Variants in PARN observed in about 807,000 individuals in gnomAD.
PARN encodes poly(A)-specific ribonuclease.
In PARN, 71 loss-of-function variants were observed where a neutral mutation model predicts 102.8. The ratio of observed to expected loss-of-function variants is 0.69; its 90% CI spans 0.57 to 0.84. PARN has a LOEUF of 0.84. Ranked by LOEUF, PARN falls within the 40% of genes least tolerant of loss-of-function variation. PARN has a pLI of 0.00. For missense variants in PARN, 782 were observed against 760.9 expected (o/e 1.03, Z -0.33); for synonymous variants, 261 against 252.9 (o/e 1.03, Z -0.30).
At position 14,626,779 on chromosome 16, in the gene PARN, A is replaced by T. The variant is rs567989892; in HGVS notation, c.327+327T>A. ...AGGCACCCATGACCACACTCGGCAA[A>T]TTTTTTTTTTTGTATTTTTAGTAGA... On this transcript the variant is annotated intron_variant, in intron 5 of 23. Transcript: ENST00000437198. Among the ~76,000 whole-genome samples the T allele has an allele frequency of 1.4e-3, 203 of 146,102 alleles. 1 individual carries two copies. The highest frequency in any genetic ancestry group is 4.1e-3 in the African/African-American group (165 of 40,040).
intron 21 of PARN, among the ~76,000 whole-genome samples, chr16:14,523,550 T>C (rs1296329663): frequency 1.3e-5 from 2 of 152,194 alleles, no homozygotes; most frequent in African/African-American, 4.8e-5. Context: ...TTCTGCCCCA[T>C]TTCTCCGAAC....
rs115740423 is a variant in PARN at position 14,513,826 on chromosome 16, G to A, written c.1481-30999C>T. Among the ~76,000 whole-genome samples, 709 of 152,254 alleles carry A rather than the reference G, an allele frequency of 4.7e-3. 9 individuals carry two copies. The highest frequency in any genetic ancestry group is 0.016 in the African/African-American group (666 of 41,546). On this transcript the variant is annotated intron_variant, in intron 21 of 23. Transcript: ENST00000437198. ...TCCCTGACTGCCGCAGACGAGGTCC[G>A]TTTACCCTGTTCTGCCCTCTCAAAG...
intron 11 of PARN, among the ~76,000 whole-genome samples, chr16:14,603,324 T>C (rs531487195): frequency 1.3e-5 from 2 of 152,252 alleles, no homozygotes; most frequent in South Asian, 2.1e-4. Flanking sequence ...GTGTAGGTAA[T>C]ATGCTGTCTC....
At chr16:14,444,692 G>A (rs1296800123) in intron 23 of PARN, among the ~76,000 whole-genome samples, 1 of 152,206 alleles carries the variant, frequency 6.6e-6, no homozygotes, top group Non-Finnish European at 1.5e-5. Flanking sequence ...TGCTCAGTAC[G>A]ATCTCTAGAA....
At chr16:14,486,745 G>A (rs1458159863) in intron 21 of PARN, among the ~76,000 whole-genome samples, 6 of 152,186 alleles carry the variant, frequency 3.9e-5, no homozygotes, top group East Asian at 3.9e-4. Flanking sequence ...TCAAAGCCAC[G>A]CCTCTAATGG....
intron 22 of PARN, among the ~76,000 whole-genome samples, chr16:14,467,819 A>C (rs1414807438): frequency 1.3e-5 from 2 of 152,226 alleles, no homozygotes; most frequent in East Asian, 1.9e-4. Flanking sequence ...AAACATTCCT[A>C]ACACGACTTT....
chr16:14,528,620 T>G (rs1966139077), intron 21 of PARN, among the ~76,000 whole-genome samples: 1 of 152,096 alleles, frequency 6.6e-6, no homozygotes, highest in African/African-American at 2.4e-5. Context: ...TAGACTGATG[T>G]GGGGGGGAAA....
intron 20 of PARN, among the ~76,000 whole-genome samples, chr16:14,552,687 G>A (rs1304193193): frequency 3.3e-5 from 5 of 152,076 alleles, no homozygotes; most frequent in Non-Finnish European, 7.4e-5. Context: ...GGTGGCTCAC[G>A]CCTATAATCC....
intron 21 of PARN, among the ~76,000 whole-genome samples, chr16:14,505,914 T>C: frequency 6.6e-6 from 1 of 152,208 alleles, no homozygotes. Flanking sequence ...GGATGAAAGA[T>C]TACTGAGGAA....
chr16:14,562,239 G>A (rs1968112297), intron 18 of PARN, among the ~76,000 whole-genome samples: 2 of 151,866 alleles, frequency 1.3e-5, no homozygotes, highest in Non-Finnish European at 2.9e-5. Context: ...CACCTGGGGA[G>A]GCCAAGGCAG....
chr16:14,523,298 C>T (rs550999324), intron 21 of PARN, among the ~76,000 whole-genome samples: 11 of 151,908 alleles, frequency 7.2e-5, no homozygotes, highest in African/African-American at 2.2e-4. Flanking sequence ...ATTATAAACT[C>T]GTGTCAAGCA....
chr16:14,464,493 C>T (rs1462348973), intron 22 of PARN, among the ~76,000 whole-genome samples: 10 of 152,300 alleles, frequency 6.6e-5, no homozygotes, highest in Admixed American at 2.0e-4. Context: ...TGGTGGCTCA[C>T]GCCTGTAATC....
At position 14,447,052 on chromosome 16, in the gene PARN, C is replaced by T. The variant is rs1466683681; in HGVS notation, c.1700G>A (p.Arg567Lys). 16 of 1,613,852 alleles carry T rather than the reference C, an allele frequency of 9.9e-6. No homozygotes were observed. The highest frequency in any genetic ancestry group is 1.3e-5 in the Non-Finnish European group (15 of 1,179,792). Residue 567 changes from arginine to lysine, a missense_variant, in exon 23 of 24, where the codon AGA becomes AAA. Arg to Lys is a conservative substitution (Grantham distance 26). Transcript: ENST00000437198. ...SFTAPSTVGK[R>K]NLSPSQEEAG... Reference sequence around the variant, plus strand: ...TTCCTCTTGACTAGGACTCAAATTTCTCTTTCCTACTGTGCTGGGAGCTGT... The same window carrying T: ...TTCCTCTTGACTAGGACTCAAATTTTTCTTTCCTACTGTGCTGGGAGCTGT...
intron 21 of PARN, among the ~76,000 whole-genome samples, chr16:14,524,318 C>G (rs1965885673): frequency 6.6e-6 from 1 of 152,152 alleles, no homozygotes; most frequent in Non-Finnish European, 1.5e-5. Flanking sequence ...CCATCATACC[C>G]TTGGTCCATC....
At chr16:14,562,585 T>C (rs550872356) in intron 18 of PARN, among the ~76,000 whole-genome samples, 1 of 152,056 alleles carries the variant, frequency 6.6e-6, no homozygotes, top group Non-Finnish European at 1.5e-5. Flanking sequence ...AACTAGGTTC[T>C]CTGCAAGAGA....
At chr16:14,607,180 C>T (rs978711932) in intron 9 of PARN, among the ~76,000 whole-genome samples, 3 of 152,026 alleles carry the variant, frequency 2.0e-5, no homozygotes, top group African/African-American at 7.2e-5. Context: ...TGTTTCCTAA[C>T]TGAAATTGTG....
chr16:14,498,913 T>C (rs896784693), intron 21 of PARN, among the ~76,000 whole-genome samples: 2 of 152,260 alleles, frequency 1.3e-5, no homozygotes, highest in Admixed American at 6.5e-5. Context: ...ATTTATTTCA[T>C]TGGTGAGTTC....
At chr16:14,536,488 G>A (rs2151679880) in intron 21 of PARN, among the ~76,000 whole-genome samples, 1 of 152,292 alleles carries the variant, frequency 6.6e-6, no homozygotes, top group South Asian at 2.1e-4. Context: ...GAGTCCTAAA[G>A]TATTTCCAGA....
In PARN at chr16:14,555,692, A is replaced by C. The variant is rs1967640410; in HGVS notation, c.1280T>G (p.Val427Gly). 1 of 1,488,186 alleles carries C rather than the reference A, an allele frequency of 6.7e-7. No homozygotes were observed. The highest frequency in any genetic ancestry group is 1.3e-5 in the South Asian group (1 of 76,864). The allele number at this position is 1,488,186 out of a possible 1,614,324, so 92.2% of individuals were successfully genotyped here. A position where few individuals can be genotyped will look rare whatever the true frequency, so the allele number is the denominator to read the frequency against. The change falls in exon 19 of 24, where the codon GTC (valine) becomes GGC (glycine). Residue 427 changes from valine to glycine, a missense_variant. Val to Gly is a moderately radical substitution (Grantham distance 109). Coordinates refer to ENST00000437198, the MANE Select transcript of PARN (RefSeq NM_002582.4). ...CAAGTTTAGATAGGGGATATCCATG[A>C]CCCTCATAAGAAATAACCTACAAGA... ...PFFNKLFLMR[V>G]MDIPYLNLEG...
Sources: allele counts gnomAD v4.1 joint callset (sites outside exome capture counted in the v4.1 genomes callset), GRCh38; gene constraint gnomAD v4.1.1; transcripts MANE v1.5; gene names NCBI Gene and HGNC (gene_info 2026-07-23, HGNC 2026-07-21).